Variants in GON4L observed in about 807,000 individuals in gnomAD.
GON4L encodes gon-4 like, also known as GON-4-like protein.
A neutral mutation model predicts 211.8 loss-of-function variants in GON4L; 87 were observed. That is an observed-to-expected ratio of 0.41 (90% confidence interval 0.35 to 0.49). GON4L has a LOEUF of 0.49. GON4L is among the 20% of genes least tolerant of loss of function. The probability of loss-of-function intolerance (pLI) is 0.15; values close to 1 mark genes in which losing one functional copy is unlikely to be tolerated. For synonymous variants in GON4L, 875 were observed against 962.6 expected (o/e 0.91, Z 1.68); for missense variants, 2,155 against 2,659.5 (o/e 0.81, Z 4.17).
At chr1:155,790,261 G>A (rs766602210) in intron 12 of GON4L, among the ~76,000 whole-genome samples, 7 of 151,872 alleles carry the variant, frequency 4.6e-5, no homozygotes, top group East Asian at 1.9e-4. Context: ...CACCACACCC[G>A]GCTAATTTTT....
chr1:155,843,790 C>T (rs1161889957), intron 2 of GON4L, among the ~76,000 whole-genome samples: 1 of 152,100 alleles, frequency 6.6e-6, no homozygotes. Flanking sequence ...CTCAATCACC[C>T]CCATTGGAAC....
intron 25 of GON4L, 110 bp downstream of exon 25, chr1:155,757,781 G>A (rs1271107680): frequency 6.5e-6 from 1 of 153,216 alleles, no homozygotes; most frequent in Non-Finnish European, 1.2e-5. Flanking sequence ...CCTCCAGGAA[G>A]CCCATGAGCC....
At chr1:155,781,416 G>T (rs1664411443) in intron 14 of GON4L, among the ~76,000 whole-genome samples, 1 of 151,454 alleles carries the variant, frequency 6.6e-6, no homozygotes, top group South Asian at 2.1e-4. Context: ...AAAGTGCTGG[G>T]ATTACAGGTG....
At chr1:155,754,273 T>TTATA (rs780440194) in intron 28 of GON4L, 102 bp downstream of exon 28, 4 of 786,664 alleles carry the variant, frequency 5.1e-6, no homozygotes, top group South Asian at 1.3e-5. Flanking sequence ...TGAATGTTAT[T>TTATA]TATATATGTG....
At chr1:155,772,999 C>T (rs2101814458) in intron 18 of GON4L, 67 bp downstream of exon 18, 1 of 1,594,630 alleles carries the variant, frequency 6.3e-7, no homozygotes, top group South Asian at 1.1e-5. Context: ...CCCCTAAACT[C>T]CTCAAAGGAA....
rs1557885780 is a variant in GON4L, at chr1:155,809,865, T to TTATATATAATTATAAATTATATACA, written c.1452+3744_1452+3768dup. ...TTATATATAATTATAAATTATATAC[T>TTATATATAATTATAAATTATATACA]TATATATAATTATAAATTATATACA... On this transcript the variant is annotated intron_variant, in intron 10 of 31. Coordinates refer to ENST00000368331, the MANE Select transcript of GON4L (RefSeq NM_001282860.2). 3.6e-4 allele frequency among the ~76,000 whole-genome samples: 4 copies of TTATATATAATTATAAATTATATACA among 11,106 alleles called. 1 individual carries two copies. Among genetic ancestry groups the TTATATATAATTATAAATTATATACA allele is most frequent in the Admixed American group, 2.8e-3 (2 of 726 alleles). 7.3% of individuals were successfully genotyped at this position (11,106 alleles called of 152,430 possible).
At chr1:155,791,165 G>A (rs951003073) in intron 12 of GON4L, among the ~76,000 whole-genome samples, 3 of 152,096 alleles carry the variant, frequency 2.0e-5, no homozygotes, top group Admixed American at 2.0e-4. Flanking sequence ...AGGAGGCTGA[G>A]GCAGGAGAAC....
At chr1:155,758,882 AAAC>A (rs775096112) in intron 24 of GON4L, among the ~76,000 whole-genome samples, 48 of 151,266 alleles carry the variant, frequency 3.2e-4, no homozygotes, top group Non-Finnish European at 4.7e-4. Context: ...TTGCCTCAAA[AAAC>A]AACAACAATA....
chr1:155,778,283 G>A (rs896502108), intron 14 of GON4L, among the ~76,000 whole-genome samples: 6 of 151,820 alleles, frequency 4.0e-5, no homozygotes, highest in South Asian at 2.1e-4. Context: ...ACACAGTCTC[G>A]CTCTGTCGCC....
intron 31 of GON4L, among the ~76,000 whole-genome samples, chr1:155,751,475 G>A (rs1415171172): frequency 6.6e-6 from 1 of 152,124 alleles, no homozygotes; most frequent in Non-Finnish European, 1.5e-5. Flanking sequence ...CTTGAACCTG[G>A]GAGGTGGAGG....
intron 6 of GON4L, among the ~76,000 whole-genome samples, chr1:155,818,273 A>G (rs1050679588): frequency 6.6e-6 from 1 of 151,928 alleles, no homozygotes; most frequent in Non-Finnish European, 1.5e-5. Flanking sequence ...CCACACGCCC[A>G]GCTAACTGTT....
Position 155,776,827 on chromosome 1 carries a change from A to T in GON4L, c.2092-346T>A, listed in dbSNP as rs1663867971. ...CTCAGCCTCCCAAAGTGCTGGGATT[A>T]CAGGTGTGAGCCACCGTAACCCAGC... On this transcript the variant is annotated intron_variant, in intron 15 of 31. Transcript: ENST00000368331. 2.0e-5 allele frequency among the ~76,000 whole-genome samples: 3 copies of T among 152,204 alleles called. No homozygotes were observed. In the South Asian group the frequency reaches 6.2e-4, roughly 32 times the overall value.
At chr1:155,850,997 T>G (rs1223703683) in intron 2 of GON4L, among the ~76,000 whole-genome samples, 1 of 120,602 alleles carries the variant, frequency 8.3e-6, no homozygotes. Context: ...GAGGTTGCAG[T>G]GAGATGAGAT....
At chr1:155,824,862 T>G (rs1259712301) in intron 3 of GON4L, among the ~76,000 whole-genome samples, 1 of 146,830 alleles carries the variant, frequency 6.8e-6, no homozygotes, top group Non-Finnish European at 1.5e-5. Flanking sequence ...AAAGAAAACG[T>G]AAAGCAAACC....
chr1:155,807,730 A>AAAAAAAAAAG (rs1395575383), intron 10 of GON4L, among the ~76,000 whole-genome samples: 3 of 143,796 alleles, frequency 2.1e-5, no homozygotes, highest in African/African-American at 7.8e-5. Flanking sequence ...AAAAAAGAAA[A>AAAAAAAAAAG]TCAGAAAGTG....
chr1:155,824,760 C>T (rs1365360594), intron 3 of GON4L, among the ~76,000 whole-genome samples: 5 of 103,550 alleles, frequency 4.8e-5, no homozygotes, highest in Non-Finnish European at 9.4e-5. Context: ...AAGACTCTGT[C>T]GCAAAAAAAA....
At chr1:155,857,782 A>G (rs924107539), upstream of GON4L, among the ~76,000 whole-genome samples, 6 of 152,226 alleles carry the variant, frequency 3.9e-5, no homozygotes, top group Admixed American at 3.3e-4. Flanking sequence ...CCTGGAACAC[A>G]GGACCAAGGG....
intron 12 of GON4L, among the ~76,000 whole-genome samples, chr1:155,792,500 G>A (rs1330358864): frequency 6.6e-6 from 1 of 152,148 alleles, no homozygotes; most frequent in Non-Finnish European, 1.5e-5. Flanking sequence ...GTCTAGGGGA[G>A]AAGACAGATA....
At chr1:155,819,842 T>C (rs924023733) in intron 6 of GON4L, among the ~76,000 whole-genome samples, 1 of 152,214 alleles carries the variant, frequency 6.6e-6, no homozygotes, top group African/African-American at 2.4e-5. Flanking sequence ...TTTTTGCCAA[T>C]GCATATTCCA....
Sources: allele counts gnomAD v4.1 joint callset (sites outside exome capture counted in the v4.1 genomes callset), GRCh38; gene constraint gnomAD v4.1.1; transcripts MANE v1.5; gene names NCBI Gene and HGNC (gene_info 2026-07-23, HGNC 2026-07-21).